Variants in TAFA1 observed in about 807,000 individuals in gnomAD.
TAFA1 encodes chemokine-like protein TAFA-1.
A neutral mutation model predicts 18.5 loss-of-function variants in TAFA1; 4 were observed. The ratio of observed to expected loss-of-function variants is 0.22; its 90% CI spans 0.11 to 0.49. The LOEUF (loss-of-function observed/expected upper bound fraction) is 0.49, where lower values mean the gene tolerates loss of function less well. Among genes scored for constraint, TAFA1 ranks in the 20% least tolerant of loss-of-function variants. TAFA1 has a pLI of 0.98. For missense variants in TAFA1, 147 were observed against 169.0 expected, an observed-to-expected ratio of 0.87 and a Z score of 0.72; for synonymous variants, 56 against 55.2, an observed-to-expected ratio of 1.01 and a Z score of -0.06.
intron 2 of TAFA1, among the ~76,000 whole-genome samples, chr3:68,097,014 T>C (rs1356862004): frequency 6.6e-6 from 1 of 152,114 alleles, no homozygotes; most frequent in Non-Finnish European, 1.5e-5. Flanking sequence ...TCACTAGGTG[T>C]TCCTTTCTGT....
intron 3 of TAFA1, among the ~76,000 whole-genome samples, chr3:68,431,088 TA>T (rs2071159709): frequency 6.6e-6 from 1 of 151,920 alleles, no homozygotes; most frequent in South Asian, 2.1e-4. Context: ...GCTCCCTCCC[TA>T]ACCCCCTACA....
chr3:68,217,912 G>A (rs1177684054), intron 2 of TAFA1, among the ~76,000 whole-genome samples: 1 of 151,748 alleles, frequency 6.6e-6, no homozygotes, highest in East Asian at 1.9e-4. Context: ...TATTATAATT[G>A]AAGGGTATTT....
chr3:68,011,218 T>C (rs1231334247), intron 2 of TAFA1, among the ~76,000 whole-genome samples: 1 of 152,138 alleles, frequency 6.6e-6, no homozygotes, highest in East Asian at 1.9e-4. Flanking sequence ...CTTGGGATTC[T>C]TCAGTAATTT....
At chr3:68,487,006 A>G (rs1258956098) in intron 3 of TAFA1, among the ~76,000 whole-genome samples, 2 of 152,248 alleles carry the variant, frequency 1.3e-5, no homozygotes, top group Non-Finnish European at 2.9e-5. Flanking sequence ...ATCAAATACC[A>G]GAAATAACAG....
intron 3 of TAFA1, among the ~76,000 whole-genome samples, chr3:68,477,362 A>C (rs2072119565): frequency 6.6e-6 from 1 of 151,994 alleles, no homozygotes; most frequent in Admixed American, 6.6e-5. Flanking sequence ...GACTATTATA[A>C]ATAGTGCTTT....
chr3:68,191,708 C>T (rs1282267928), intron 2 of TAFA1, among the ~76,000 whole-genome samples: 3 of 151,782 alleles, frequency 2.0e-5, no homozygotes, highest in Non-Finnish European at 4.4e-5. Context: ...AAAAGGGCCA[C>T]TGCTCATCTT....
chr3:68,273,634 T>C (rs902010178), intron 2 of TAFA1, among the ~76,000 whole-genome samples: 2 of 151,996 alleles, frequency 1.3e-5, no homozygotes, highest in Non-Finnish European at 2.9e-5. Flanking sequence ...CTAAGACTAA[T>C]AGAAATTGTG....
intron 2 of TAFA1, among the ~76,000 whole-genome samples, chr3:68,027,947 T>G (rs1437365687): frequency 1.3e-5 from 2 of 152,324 alleles, no homozygotes; most frequent in Non-Finnish European, 2.9e-5. Flanking sequence ...TTTGGCTTCT[T>G]ACATATGTAA....
At chr3:68,335,015 A>G (rs2068947223) in intron 2 of TAFA1, among the ~76,000 whole-genome samples, 1 of 152,204 alleles carries the variant, frequency 6.6e-6, no homozygotes, top group Non-Finnish European at 1.5e-5. Context: ...GCAGAACCAT[A>G]GATTAGTGAA....
chr3:68,394,631 G>A (rs963107643), intron 2 of TAFA1, among the ~76,000 whole-genome samples: 3 of 151,932 alleles, frequency 2.0e-5, no homozygotes, highest in African/African-American at 7.2e-5. Flanking sequence ...ACAGAACAGA[G>A]GCCTCACAAA....
chr3:68,252,106 G>C (rs1286674902), intron 2 of TAFA1, among the ~76,000 whole-genome samples: 1 of 152,082 alleles, frequency 6.6e-6, no homozygotes, highest in Non-Finnish European at 1.5e-5. Context: ...CATAATCTCA[G>C]TTGGCTTGTT....
At chr3:68,256,649 T>G (rs192767835) in intron 2 of TAFA1, among the ~76,000 whole-genome samples, 1 of 152,294 alleles carries the variant, frequency 6.6e-6, no homozygotes, top group East Asian at 1.9e-4. Context: ...GCCTTGGCAT[T>G]GTGTAAAATG....
chr3:68,393,034 T>A (rs1279746702), intron 2 of TAFA1, among the ~76,000 whole-genome samples: 1 of 151,600 alleles, frequency 6.6e-6, no homozygotes, highest in Non-Finnish European at 1.5e-5. Context: ...GATAGAGAGA[T>A]GAAAAATCCT....
chr3:68,126,516 G>T (rs1001742035), intron 2 of TAFA1, among the ~76,000 whole-genome samples: 1 of 152,190 alleles, frequency 6.6e-6, no homozygotes, highest in Non-Finnish European at 1.5e-5. Context: ...TGGCAAATTT[G>T]TTGATTCTCT....
chr3:68,539,633 T>C (rs891346440), intron 4 of TAFA1, among the ~76,000 whole-genome samples: 1 of 141,168 alleles, frequency 7.1e-6, no homozygotes, highest in African/African-American at 2.6e-5. Context: ...CAATTGAGTA[T>C]CAGCCCTGTT....
At chr3:68,503,277 C>T (rs1388606951) in intron 3 of TAFA1, among the ~76,000 whole-genome samples, 1 of 152,176 alleles carries the variant, frequency 6.6e-6, no homozygotes, top group African/African-American at 2.4e-5. Flanking sequence ...CCCATCCCCA[C>T]AGTATCTCAT....
intron 2 of TAFA1, among the ~76,000 whole-genome samples, chr3:68,350,028 C>T (rs1424548921): frequency 6.6e-6 from 1 of 152,122 alleles, no homozygotes; most frequent in African/African-American, 2.4e-5. Context: ...ATAATTTAGA[C>T]TCTATAACTC....
Position 68,057,858 on chromosome 3 carries a change from T to G in TAFA1, c.118+51114T>G, listed in dbSNP as rs148629080. 5.6e-3 allele frequency among the ~76,000 whole-genome samples: 847 copies of G among 152,276 alleles called. 10 individuals are homozygous for G. The highest frequency in any genetic ancestry group is 0.019 in the African/African-American group (795 of 41,552). On this transcript the variant is annotated intron_variant, in intron 2 of 4. Coordinates refer to ENST00000478136, the MANE Select transcript of TAFA1 (RefSeq NM_213609.4). ...GGAAGTGGTCATGAACCAAGTGATG[T>G]GGGTGGCTTCTAGAAGCTAGAGAAG... is the stretch of plus-strand genomic sequence containing the variant.
intron 2 of TAFA1, among the ~76,000 whole-genome samples, chr3:68,236,894 A>G (rs903238336): frequency 1.3e-5 from 2 of 152,222 alleles, no homozygotes; most frequent in Non-Finnish European, 2.9e-5. Flanking sequence ...CAGCACATCA[A>G]TAAGAGCTCA....
Sources: allele counts gnomAD v4.1 joint callset (sites outside exome capture counted in the v4.1 genomes callset), GRCh38; gene constraint gnomAD v4.1.1; transcripts MANE v1.5; gene names NCBI Gene and HGNC (gene_info 2026-07-23, HGNC 2026-07-21).